The following PPP1R16B variants were observed in gnomAD, a reference collection of about 807,000 sequenced individuals.
The protein encoded by PPP1R16B is protein phosphatase 1 regulatory inhibitor subunit 16B.
Under a neutral mutation model 61.7 loss-of-function variants are expected in PPP1R16B, and 14 were observed. That is an observed-to-expected ratio of 0.23 (90% CI 0.15 to 0.35). PPP1R16B has a LOEUF of 0.35. PPP1R16B is among the 10% of genes least tolerant of loss of function. The pLI, the probability that PPP1R16B is intolerant of heterozygous loss-of-function variation, is 1.00. For missense variants in PPP1R16B, 547 were observed against 752.5 expected (o/e 0.73, Z 3.19); for synonymous variants, 266 against 305.3 (o/e 0.87, Z 1.34).
chr20:38,881,111 G>GGTGA (rs1159588733), intron 2 of PPP1R16B, among the ~76,000 whole-genome samples: 2 of 152,204 alleles, frequency 1.3e-5, no homozygotes, highest in African/African-American at 4.8e-5. Flanking sequence ...GGTCCACCAG[G>GGTGA]GTGAGTCATC....
Position 38,907,553 on chromosome 20 carries a change from T to C in PPP1R16B, c.899-253T>C, listed in dbSNP as rs1425322788. 1.3e-5 allele frequency among the ~76,000 whole-genome samples: 2 copies of C among 152,186 alleles called. No homozygotes were observed. Among genetic ancestry groups the C allele is most frequent in the African/African-American group, 4.8e-5 (2 of 41,458 alleles). The stretch of plus-strand genomic sequence containing the variant: ...TCTTGGAAACTATCAAAGAGCAACA[T>C]GAATCCCTCGGTCATAGCTGGGAAG... On this transcript the variant is annotated intron_variant, in intron 8 of 10. Coordinates refer to ENST00000299824, the MANE Select transcript of PPP1R16B (RefSeq NM_015568.4). This position sits in a 1 kb window ranked among gnomAD's most constrained non-coding sequence, Gnocchi z 4.5.
chr20:38,835,864 C>A lies in PPP1R16B; in HGVS notation c.-62C>A. 1 of 1,464,198 alleles carries A rather than the reference C, an allele frequency of 6.8e-7. No homozygotes were observed. Among genetic ancestry groups the A allele is most frequent in the Non-Finnish European group, 9.0e-7 (1 of 1,110,986 alleles). The allele number at this position is 1,464,198 out of a possible 1,614,324, so 90.7% of individuals were successfully genotyped here. ...CCCCAGCCCCACCAGAGGCCCCGCG[C>A]TGCCCTGGCCCCCGGTGCACCGTGC... On this transcript the variant is annotated 5_prime_UTR_variant, in exon 2 of 11. In the 5' UTR this introduces an upstream ATG that the reference lacks. Coordinates refer to ENST00000299824, the MANE Select transcript of PPP1R16B (RefSeq NM_015568.4).
intron 1 of PPP1R16B, among the ~76,000 whole-genome samples, chr20:38,817,104 C>T (rs6129108): frequency 0.65 from 99,248 of 152,078 alleles, 32,697 homozygotes; most frequent in African/African-American, 0.73. Context: ...ATACATATCC[C>T]TTGTCTTCTG....
intron 10 of PPP1R16B, among the ~76,000 whole-genome samples, chr20:38,913,929 C>T (rs1013854111): frequency 1.3e-5 from 2 of 152,140 alleles, no homozygotes; most frequent in Non-Finnish European, 2.9e-5. Context: ...CAGTGGCTCA[C>T]GCCTGTAATC....
rs1409784250 is a variant in PPP1R16B, at chr20:38,806,384, C to A, written c.-102+592C>A. Among the ~76,000 whole-genome samples the A allele has an allele frequency of 6.6e-6, 1 of 152,052 alleles. No individual in the cohort carries two copies. Among genetic ancestry groups the A allele is most frequent in the East Asian group, 1.9e-4 (1 of 5,136 alleles). ...CTCAGGATCCGGCTGACAGCACCAG[C>A]CAGCCCGGGGAGACCCCGCGAGTGG... On this transcript the variant is annotated intron_variant, in intron 1 of 10. Coordinates refer to ENST00000299824, the MANE Select transcript of PPP1R16B (RefSeq NM_015568.4). The surrounding 1 kb of genome is among the most constrained non-coding windows in gnomAD (Gnocchi z 4.5).
chr20:38,916,891 C>T (rs776725431), intron 10 of PPP1R16B, among the ~76,000 whole-genome samples: 9 of 151,816 alleles, frequency 5.9e-5, no homozygotes, highest in East Asian at 2.1e-4. Flanking sequence ...ATAGTATTAA[C>T]GATTAGTGGG....
chr20:38,838,743 C>A (rs1430846943), intron 2 of PPP1R16B, among the ~76,000 whole-genome samples: 1 of 152,212 alleles, frequency 6.6e-6, no homozygotes, highest in Non-Finnish European at 1.5e-5. Context: ...CCCTGAGGGG[C>A]TCTGTGCATG....
At chr20:38,832,026 G>A (rs956508034) in intron 1 of PPP1R16B, among the ~76,000 whole-genome samples, 25 of 152,278 alleles carry the variant, frequency 1.6e-4, no homozygotes, top group South Asian at 8.3e-4. Flanking sequence ...CTCTCAGCTC[G>A]TGTCTGCTCC....
At chr20:38,842,705 A>G (rs2084915507) in intron 2 of PPP1R16B, among the ~76,000 whole-genome samples, 1 of 149,268 alleles carries the variant, frequency 6.7e-6, no homozygotes, top group Non-Finnish European at 1.5e-5. Flanking sequence ...CCCCACCCCC[A>G]GGCACAGTGC....
Position 38,832,966 on chromosome 20 carries a change from A to G in PPP1R16B, c.-101-2859A>G, listed in dbSNP as rs555317397. 1.6e-4 allele frequency among the ~76,000 whole-genome samples: 24 copies of G among 152,056 alleles called. No individual in the cohort carries two copies. The South Asian group carries it at 5.0e-3, about 32-fold the overall frequency. The stretch of plus-strand genomic sequence containing the variant: ...AATTACCATATGCCTTATCACTTGT[A>G]CTCTTGGGTATTTGCTCCTGAGAAA... On this transcript the variant is annotated intron_variant, in intron 1 of 10. Transcript: ENST00000299824.
rs2085455345 is a variant in PPP1R16B at position 38,907,684 on chromosome 20, A to T, written c.899-122A>T. The T allele has an allele frequency of 7.5e-7, 1 of 1,332,156 alleles. No homozygotes were observed. Among genetic ancestry groups the T allele is most frequent in the Non-Finnish European group, 1.0e-6 (1 of 962,776 alleles). The allele number at this position is 1,332,156 out of a possible 1,614,324, so 82.5% of individuals were successfully genotyped here. A position where few individuals can be genotyped will look rare whatever the true frequency, so the allele number is the denominator to read the frequency against. On this transcript the variant is annotated intron_variant, in intron 8 of 10. Transcript: ENST00000299824. This position sits in a 1 kb window ranked among gnomAD's most constrained non-coding sequence, Gnocchi z 4.5. ...TGGCATTGTTTTCTTGCCTCCCTGC[A>T]TGCCCTGAAAGATGCTTGGAGTTTT...
intron 2 of PPP1R16B, among the ~76,000 whole-genome samples, chr20:38,842,455 TATGGAAATTCTCATTCAAA>T (rs1269120100): frequency 6.6e-6 from 1 of 152,214 alleles, no homozygotes; most frequent in Non-Finnish European, 1.5e-5. Flanking sequence ...GGGTTTTCTT[TATGGAAATTCTCATTCAAA>T]AAATGTTTGA....
chr20:38,850,967 CAAAAAAAA>C (rs11381856), intron 2 of PPP1R16B, among the ~76,000 whole-genome samples: 1 of 136,698 alleles, frequency 7.3e-6, no homozygotes, highest in Non-Finnish European at 1.6e-5. Flanking sequence ...GACTCCATCT[CAAAAAAAA>C]AAAAAAAATT....
intron 2 of PPP1R16B, among the ~76,000 whole-genome samples, chr20:38,851,895 T>C (rs1009889452): frequency 1.3e-5 from 2 of 152,066 alleles, no homozygotes; most frequent in Admixed American, 1.3e-4. Flanking sequence ...AAGCCAGGCA[T>C]GGTGGTGTGG....
chr20:38,906,930 T>C, intron 7 of PPP1R16B, 49 bp from the exon 8 acceptor site: 1 of 1,535,966 alleles, frequency 6.5e-7, no homozygotes, highest in Non-Finnish European at 9.0e-7. Context: ...CCTCCTAGGC[T>C]TTCTGAGCTC....
intron 1 of PPP1R16B, among the ~76,000 whole-genome samples, chr20:38,808,574 G>GC (rs1461983766): frequency 5.9e-5 from 9 of 151,802 alleles, no homozygotes; most frequent in South Asian, 2.1e-4. Flanking sequence ...GAGGGAGCCA[G>GC]AGAGGTCTAA....
rs201953876 is a variant in PPP1R16B at position 38,822,409 on chromosome 20, CACGAA to C, written c.-101-13414_-101-13410del. On this transcript the variant is annotated intron_variant, in intron 1 of 10. Transcript: ENST00000299824. ...CCCGCAAATAAAAAGCCATTAAAAA[CACGAA>C]AGTTATCTAGTGCCATTTCTTTCCT... Among the ~76,000 whole-genome samples, 347 of 151,998 alleles carry C rather than the reference CACGAA, an allele frequency of 2.3e-3. 3 individuals carry two copies. Among genetic ancestry groups the C allele is most frequent in the African/African-American group, 8.1e-3 (336 of 41,504 alleles).
intron 3 of PPP1R16B, among the ~76,000 whole-genome samples, chr20:38,890,724 A>G (rs918668015): frequency 6.6e-6 from 1 of 152,194 alleles, no homozygotes; most frequent in African/African-American, 2.4e-5. Context: ...GGTGCTCAAT[A>G]TGTGCATGTT....
intron 3 of PPP1R16B, among the ~76,000 whole-genome samples, chr20:38,890,886 C>T (rs1021824165): frequency 2.0e-5 from 3 of 152,176 alleles, no homozygotes; most frequent in Admixed American, 6.5e-5. Context: ...AGAATGGCCA[C>T]GCCCTGCCCG....
Sources: gnomAD v4.1 joint callset for allele counts (sites outside exome capture counted in the v4.1 genomes callset) on GRCh38, gnomAD v4.1.1 for gene constraint, Gnocchi (gnomAD v3.1) non-coding constraint, MANE v1.5 for transcripts, NCBI Gene and HGNC (gene_info 2026-07-23, HGNC 2026-07-21) for gene names.